The following RBFOX1 variants were observed in gnomAD, a reference collection of about 807,000 sequenced individuals.
The protein encoded by RBFOX1 is RNA binding fox-1 homolog 1, also known as RNA binding protein fox-1 homolog 1.
A neutral mutation model predicts 57.7 loss-of-function variants in RBFOX1; 8 were observed. The ratio of observed to expected loss-of-function variants is 0.14; its 90% CI spans 0.08 to 0.25. RBFOX1 has a LOEUF of 0.25. Ranked by LOEUF, RBFOX1 falls within the 10% of genes least tolerant of loss-of-function variation. The pLI is 1.00. For synonymous variants in RBFOX1, 326 were observed against 222.4 expected, an observed-to-expected ratio of 1.47 and a Z score of -4.15; for missense variants, 611 against 548.5, an observed-to-expected ratio of 1.11 and a Z score of -1.14.
intron 3 of RBFOX1, among the ~76,000 whole-genome samples, chr16:6,962,704 A>G (rs2083281024): frequency 1.3e-5 from 2 of 152,134 alleles, no homozygotes; most frequent in East Asian, 2.0e-4. Context: ...GCCTCTACAA[A>G]TAGTAAAAAA....
At chr16:6,642,507 A>C (rs2098500360) in intron 2 of RBFOX1, among the ~76,000 whole-genome samples, 1 of 151,864 alleles carries the variant, frequency 6.6e-6, no homozygotes, top group Non-Finnish European at 1.5e-5. Context: ...CCCTCGAGTT[A>C]CCCGGCCTTT....
At chr16:7,091,672 A>G (rs1467070133) in intron 4 of RBFOX1, among the ~76,000 whole-genome samples, 1 of 152,154 alleles carries the variant, frequency 6.6e-6, no homozygotes, top group Non-Finnish European at 1.5e-5. Context: ...AAACTTGTGA[A>G]GTAGCTGCCT....
intron 1 of RBFOX1, among the ~76,000 whole-genome samples, chr16:6,239,724 C>G (rs559326447): frequency 5.9e-5 from 9 of 152,182 alleles, no homozygotes; most frequent in Non-Finnish European, 1.3e-4. Flanking sequence ...GTCTTGAACT[C>G]CTGACCTCAT....
chr16:5,728,517 C>A (rs945830389), intron 3 of RBFOX1, among the ~76,000 whole-genome samples: 1 of 152,160 alleles, frequency 6.6e-6, no homozygotes, highest in Admixed American at 6.5e-5. Context: ...GCCCTCCTTG[C>A]CCACTTAGCA....
intron 1 of RBFOX1, among the ~76,000 whole-genome samples, chr16:5,253,293 G>A (rs1158903843): frequency 6.6e-6 from 1 of 152,088 alleles, no homozygotes; most frequent in Non-Finnish European, 1.5e-5. Flanking sequence ...GGGACTAGAG[G>A]CACCCACAAC....
rs371891433 is a variant in RBFOX1, at chr16:6,936,419, C to T, written c.-15-115638C>T. On this transcript the variant is annotated intron_variant, in intron 3 of 15. Coordinates refer to ENST00000550418, the MANE Select transcript of RBFOX1 (RefSeq NM_018723.4). ...TGGTGAGTTTGTGAAATGTAGATAA[C>T]ACCTAATTGGATGCATTTTGTTAGT... Among the ~76,000 whole-genome samples the T allele has an allele frequency of 1.0e-3, 153 of 152,242 alleles. 1 individual carries two copies. Among genetic ancestry groups the T allele is most frequent in the African/African-American group, 3.2e-3 (132 of 41,550 alleles).
intron 2 of RBFOX1, among the ~76,000 whole-genome samples, chr16:6,578,370 G>A (rs1173272744): frequency 6.6e-6 from 1 of 152,186 alleles, no homozygotes. Flanking sequence ...GTGGGTGAAA[G>A]TGTGTTGTGA....
intron 10 of RBFOX1, among the ~76,000 whole-genome samples, chr16:7,625,220 A>C (rs931114399): frequency 3.9e-5 from 6 of 152,006 alleles, no homozygotes; most frequent in African/African-American, 1.4e-4. Context: ...TGGCCATTAA[A>C]CTGGGCACAG....
chr16:6,558,784 C>T (rs1356261622), intron 2 of RBFOX1, among the ~76,000 whole-genome samples: 3 of 150,558 alleles, frequency 2.0e-5, no homozygotes, highest in African/African-American at 7.4e-5. Flanking sequence ...CCCCCACCCC[C>T]TGACTTAAAT....
At chr16:7,427,921 T>G (rs982119986) in intron 4 of RBFOX1, among the ~76,000 whole-genome samples, 3 of 152,212 alleles carry the variant, frequency 2.0e-5, no homozygotes. Context: ...CCTAAAGTGC[T>G]CAGCCACCAT....
At chr16:6,486,746 T>C (rs2095491682) in intron 2 of RBFOX1, among the ~76,000 whole-genome samples, 1 of 152,166 alleles carries the variant, frequency 6.6e-6, no homozygotes, top group Non-Finnish European at 1.5e-5. Flanking sequence ...TGTTTGCATT[T>C]ATGGGTATGC....
Position 6,366,090 on chromosome 16 carries a change from T to C in RBFOX1, c.-64+49033T>C, listed in dbSNP as rs879676319. Among the ~76,000 whole-genome samples, 873 of 138,888 alleles carry C rather than the reference T, an allele frequency of 6.3e-3. 4 individuals are homozygous for C. Among genetic ancestry groups the C allele is most frequent in the African/African-American group, 8.7e-3 (292 of 33,690 alleles). 91.1% of individuals were successfully genotyped at this position (138,888 alleles called of 152,430 possible). A position where few individuals can be genotyped will look rare whatever the true frequency, so the allele number is the denominator to read the frequency against. ...TCGAGAATGGTGGCCATTCTATGTG[T>C]GTGTGTGTGTGTGTGTGTGTGTGTG... is the stretch of plus-strand genomic sequence containing the variant. On this transcript the variant is annotated intron_variant, in intron 2 of 15. Coordinates refer to ENST00000550418, the MANE Select transcript of RBFOX1 (RefSeq NM_018723.4).
At chr16:6,234,305 A>G (rs1211221396) in intron 1 of RBFOX1, among the ~76,000 whole-genome samples, 1 of 152,192 alleles carries the variant, frequency 6.6e-6, no homozygotes, top group African/African-American at 2.4e-5. Flanking sequence ...TCGAAAAGCA[A>G]GTATCTCTCC....
At chr16:5,326,376 A>C (rs2064572200) in intron 1 of RBFOX1, among the ~76,000 whole-genome samples, 1 of 152,206 alleles carries the variant, frequency 6.6e-6, no homozygotes, top group Non-Finnish European at 1.5e-5. Context: ...ATAATAAAAT[A>C]CATGTCCAAG....
chr16:5,887,063 G>A (rs28510240), intron 4 of RBFOX1, among the ~76,000 whole-genome samples: 1,530 of 152,232 alleles, frequency 0.01, 30 homozygotes, highest in African/African-American at 0.036. Context: ...CCTAGATGTC[G>A]GTAGCATTTT....
chr16:7,122,658 GA>G (rs1325210632), intron 4 of RBFOX1, among the ~76,000 whole-genome samples: 2 of 152,030 alleles, frequency 1.3e-5, no homozygotes, highest in Admixed American at 6.6e-5. Context: ...AAAACATTTT[GA>G]CAGTCCGTTA....
chr16:5,593,563 T>C (rs1482367889), intron 2 of RBFOX1, among the ~76,000 whole-genome samples: 4 of 152,148 alleles, frequency 2.6e-5, no homozygotes, highest in Non-Finnish European at 5.9e-5. Context: ...AAAACCAAGA[T>C]GGTGATGAGA....
intron 2 of RBFOX1, among the ~76,000 whole-genome samples, chr16:6,568,284 A>T (rs1437850230): frequency 1.3e-5 from 2 of 152,114 alleles, no homozygotes; most frequent in African/African-American, 4.8e-5. Context: ...GCCGTCAGTG[A>T]CAGTTGGAAG....
Position 6,650,482 on chromosome 16 carries a change from C to T in RBFOX1, c.-63-4121C>T, listed in dbSNP as rs970450746. ...TCATTGTGTGATTCAGTATGAGTTA[C>T]CTAATGGCTAATCACAATTATCATG... On this transcript the variant is annotated intron_variant, in intron 2 of 15. Transcript: ENST00000550418. 1.6e-4 allele frequency among the ~76,000 whole-genome samples: 24 copies of T among 152,108 alleles called. 1 individual carries two copies. The highest frequency in any genetic ancestry group is 1.1e-3 in the Admixed American group (17 of 15,276).
Sources: allele counts gnomAD v4.1 joint callset (sites outside exome capture counted in the v4.1 genomes callset), GRCh38; gene constraint gnomAD v4.1.1; transcripts MANE v1.5; gene names NCBI Gene and HGNC (gene_info 2026-07-23, HGNC 2026-07-21).